SAMD3: variants seen among roughly 807,000 people sequenced by gnomAD.
The protein encoded by SAMD3 is sterile alpha motif domain-containing protein 3.
A neutral mutation model predicts 58.5 loss-of-function variants in SAMD3; 63 were observed. That is an observed-to-expected ratio of 1.08 (90% CI 0.88 to 1.33). The LOEUF is 1.33. Ranked by LOEUF, SAMD3 falls within the 40% of genes most tolerant of loss-of-function variation. The pLI is 0.00. For synonymous variants in SAMD3, 220 were observed against 210.3 expected (o/e 1.05, Z -0.40); for missense variants, 604 against 608.4 (o/e 0.99, Z 0.08).
intron 1 of SAMD3, among the ~76,000 whole-genome samples, chr6:130,346,119 C>T (rs1213647876): frequency 6.6e-6 from 1 of 152,240 alleles, no homozygotes; most frequent in Non-Finnish European, 1.5e-5. Flanking sequence ...ACAGGAACAG[C>T]TACAGTCTAC....
At chr6:130,177,726 C>T (rs1299958253) in intron 7 of SAMD3, among the ~76,000 whole-genome samples, 1 of 152,084 alleles carries the variant, frequency 6.6e-6, no homozygotes, top group Middle Eastern at 3.2e-3. Flanking sequence ...TTTCTCTTTT[C>T]CCTCCTTCAC....
intron 1 of SAMD3, among the ~76,000 whole-genome samples, chr6:130,220,145 A>G (rs1465807679): frequency 1.3e-5 from 2 of 151,946 alleles, no homozygotes; most frequent in Admixed American, 1.3e-4. Flanking sequence ...GGGATTACAG[A>G]CGCGTGCCAC....
intron 2 of SAMD3, among the ~76,000 whole-genome samples, chr6:130,287,267 A>C (rs1775191665): frequency 1.3e-5 from 2 of 152,160 alleles, no homozygotes; most frequent in South Asian, 4.1e-4. Flanking sequence ...CAATCACATA[A>C]CATTTTATAC....
chr6:130,185,421 T>C (rs1305442334), intron 5 of SAMD3, among the ~76,000 whole-genome samples: 2 of 152,114 alleles, frequency 1.3e-5, no homozygotes, highest in Non-Finnish European at 2.9e-5. Flanking sequence ...CTCCGCCTCC[T>C]GGGTTCAAGT....
intron 9 of SAMD3, among the ~76,000 whole-genome samples, chr6:130,153,823 C>T (rs987230250): frequency 5.3e-5 from 8 of 151,598 alleles, no homozygotes; most frequent in East Asian, 1.9e-4. Context: ...ACTACAGGCA[C>T]GCACCACTAA....
intron 8 of SAMD3, among the ~76,000 whole-genome samples, chr6:130,172,204 T>C (rs1791315490): frequency 6.6e-6 from 1 of 152,240 alleles, no homozygotes; most frequent in Admixed American, 6.5e-5. Context: ...ATTTAGTCCA[T>C]TTACATTTAA....
intron 1 of SAMD3, among the ~76,000 whole-genome samples, chr6:130,327,984 A>C (rs1776809527): frequency 6.6e-6 from 1 of 152,190 alleles, no homozygotes; most frequent in Non-Finnish European, 1.5e-5. Context: ...AAAATATTAA[A>C]ATATGGACCA....
intron 2 of SAMD3, among the ~76,000 whole-genome samples, chr6:130,301,105 T>G (rs1383967657): frequency 6.6e-6 from 1 of 152,168 alleles, no homozygotes; most frequent in Non-Finnish European, 1.5e-5. Context: ...TTGCTGAGAA[T>G]GATGGTTTCC....
intron 5 of SAMD3, among the ~76,000 whole-genome samples, chr6:130,208,809 T>TC (rs1298760399): frequency 6.6e-6 from 1 of 151,996 alleles, no homozygotes; most frequent in Non-Finnish European, 1.5e-5. Flanking sequence ...CCTAAATCCA[T>TC]CCCCCTGACC....
chr6:130,341,411 C>A (rs1209002433), intron 1 of SAMD3, among the ~76,000 whole-genome samples: 4 of 152,264 alleles, frequency 2.6e-5, no homozygotes, highest in South Asian at 2.1e-4. Flanking sequence ...CACTTAAGAA[C>A]CTGCTGAGCA....
chr6:130,360,415 G>A (rs994716683), intron 1 of SAMD3, among the ~76,000 whole-genome samples: 13 of 152,124 alleles, frequency 8.5e-5, no homozygotes, highest in South Asian at 2.1e-4. Flanking sequence ...GGCATCTGGG[G>A]GAGACATCAC....
intron 7 of SAMD3, among the ~76,000 whole-genome samples, chr6:130,178,740 A>C (rs1791982019): frequency 6.6e-6 from 1 of 152,254 alleles, no homozygotes; most frequent in African/African-American, 2.4e-5. Context: ...TATCAACTGC[A>C]CTAGCCTTTT....
intron 8 of SAMD3, among the ~76,000 whole-genome samples, chr6:130,165,095 C>G (rs1440406514): frequency 2.0e-5 from 3 of 152,018 alleles, no homozygotes; most frequent in Admixed American, 1.3e-4. Context: ...AGATGATAAA[C>G]AAGGAACTAA....
At chr6:130,215,771 G>A (rs1306759651) in intron 2 of SAMD3, 8 of 1,523,740 alleles carry the variant, frequency 5.3e-6, no homozygotes, top group Non-Finnish European at 7.0e-6. Context: ...TAGTAAACTG[G>A]TTAACCCCTT....
chr6:130,257,867 AT>A (rs1392593321), intron 2 of SAMD3, among the ~76,000 whole-genome samples: 1 of 152,120 alleles, frequency 6.6e-6, no homozygotes, highest in Non-Finnish European at 1.5e-5. Flanking sequence ...GGTAAACACT[AT>A]TCTGTCTTGT....
chr6:130,181,879 C>G (rs1792362658), intron 7 of SAMD3, among the ~76,000 whole-genome samples: 1 of 151,906 alleles, frequency 6.6e-6, no homozygotes, highest in African/African-American at 2.4e-5. Flanking sequence ...TCCTGGCTAA[C>G]ATGGTGAAAA....
chr6:130,259,363 G>A (rs2114919825), intron 2 of SAMD3, among the ~76,000 whole-genome samples: 1 of 152,302 alleles, frequency 6.6e-6, no homozygotes, highest in East Asian at 1.9e-4. Flanking sequence ...TGATCACATG[G>A]TGAGAGAGAA....
At chr6:130,203,496 A>G (rs916612883) in intron 5 of SAMD3, among the ~76,000 whole-genome samples, 1 of 152,154 alleles carries the variant, frequency 6.6e-6, no homozygotes, top group African/African-American at 2.4e-5. Context: ...CTCCCAGACC[A>G]TCTGCTTTTT....
At chr6:130,315,338 T>C (rs551426505) in intron 1 of SAMD3, among the ~76,000 whole-genome samples, 40 of 152,268 alleles carry the variant, frequency 2.6e-4, no homozygotes, top group Middle Eastern at 6.8e-3. Context: ...GAGTTATATA[T>C]GGGAATAATT....
Sources: gnomAD v4.1 joint callset for allele counts (sites outside exome capture counted in the v4.1 genomes callset) on GRCh38, gnomAD v4.1.1 for gene constraint, MANE v1.5 for transcripts, NCBI Gene and HGNC (gene_info 2026-07-23, HGNC 2026-07-21) for gene names.